SLC35F4: variants seen among roughly 807,000 people sequenced by gnomAD.
The protein encoded by SLC35F4 is chromosome 14 open reading frame 36.
In SLC35F4, 24 loss-of-function variants were observed where a neutral mutation model predicts 44.2. That is an observed-to-expected ratio of 0.54 (90% confidence interval 0.39 to 0.76). The LOEUF (loss-of-function observed/expected upper bound fraction) is 0.76. SLC35F4 is among the 30% of genes least tolerant of loss of function. The pLI is 0.00. For missense variants in SLC35F4, 562 were observed against 586.1 expected, an observed-to-expected ratio of 0.96 and a Z score of 0.42; for synonymous variants, 238 against 223.6, an observed-to-expected ratio of 1.06 and a Z score of -0.57.
At chr14:57,652,501 A>G (rs1361063478) in intron 1 of SLC35F4, among the ~76,000 whole-genome samples, 1 of 152,156 alleles carries the variant, frequency 6.6e-6, no homozygotes, top group Non-Finnish European at 1.5e-5. Context: ...GTGTCTTCTG[A>G]ACAAGGAGAC....
At chr14:57,649,622 C>G (rs1195222100) in intron 1 of SLC35F4, among the ~76,000 whole-genome samples, 1 of 152,132 alleles carries the variant, frequency 6.6e-6, no homozygotes, top group Admixed American at 6.6e-5. Flanking sequence ...AATGTGGCAT[C>G]TCTGAGGGGT....
chr14:57,952,012 C>T (rs141006463), intron 1 of SLC35F4, among the ~76,000 whole-genome samples: 8 of 152,300 alleles, frequency 5.3e-5, no homozygotes, highest in South Asian at 4.1e-4. Context: ...CAGCAGGGGT[C>T]GACAGATACC....
At chr14:57,726,317 C>T (rs1328400569) in intron 1 of SLC35F4, among the ~76,000 whole-genome samples, 1 of 152,114 alleles carries the variant, frequency 6.6e-6, no homozygotes, top group Non-Finnish European at 1.5e-5. Context: ...AAAAACCAGA[C>T]TTGCTGAGGT....
chr14:57,680,367 T>G (rs149191251), intron 1 of SLC35F4, among the ~76,000 whole-genome samples: 2 of 152,004 alleles, frequency 1.3e-5, no homozygotes, highest in Non-Finnish European at 2.9e-5. Flanking sequence ...GTTGATGGAA[T>G]GTGTCTCAAA....
At chr14:57,896,897 T>G (rs1413213660) in intron 1 of SLC35F4, among the ~76,000 whole-genome samples, 1 of 152,222 alleles carries the variant, frequency 6.6e-6, no homozygotes, top group African/African-American at 2.4e-5. Flanking sequence ...TCTTCATTAA[T>G]AGTAGCTTTA....
At chr14:57,977,079 A>C (rs1881239090) in intron 1 of SLC35F4, 1 of 152,218 alleles carries the variant, frequency 6.6e-6, no homozygotes, top group Non-Finnish European at 1.5e-5. Flanking sequence ...TTAGAGATAG[A>C]GTGATCTGGG....
intron 1 of SLC35F4, among the ~76,000 whole-genome samples, chr14:57,793,230 C>T (rs2077970861): frequency 1.3e-5 from 2 of 151,836 alleles, no homozygotes; most frequent in Admixed American, 1.3e-4. Context: ...CTTTTTTATG[C>T]TCATTTTTTA....
intron 1 of SLC35F4, among the ~76,000 whole-genome samples, chr14:57,747,065 T>C (rs923175838): frequency 1.3e-5 from 2 of 152,182 alleles, no homozygotes; most frequent in African/African-American, 4.8e-5. Flanking sequence ...TCCATTCCAT[T>C]GGGACATTCA....
rs951243713 is a variant in SLC35F4, at chr14:57,695,850, T to G, written c.104-101726A>C. Among the ~76,000 whole-genome samples, 43 of 152,188 alleles carry G rather than the reference T, an allele frequency of 2.8e-4. 2 individuals carry two copies. The highest frequency in any genetic ancestry group is 2.0e-3 in the Admixed American group (30 of 15,270). ...GAAATACTATGCAGCCATAAAAAAT[T>G]ATGAGTTCATGTCCTTTGTAGGGAC... On this transcript the variant is annotated intron_variant, in intron 1 of 7. Transcript: ENST00000556826.
intron 1 of SLC35F4, among the ~76,000 whole-genome samples, chr14:57,625,631 C>T (rs1162003676): frequency 2.6e-5 from 4 of 152,108 alleles, no homozygotes; most frequent in Non-Finnish European, 5.9e-5. Context: ...GAACAGAGCC[C>T]TCAGAAATAA....
At chr14:57,629,677 T>G (rs2072667755) in intron 1 of SLC35F4, among the ~76,000 whole-genome samples, 1 of 152,140 alleles carries the variant, frequency 6.6e-6, no homozygotes, top group South Asian at 2.1e-4. Context: ...TATCACTATA[T>G]ATGCATCAAT....
intron 1 of SLC35F4, among the ~76,000 whole-genome samples, chr14:57,733,496 T>C (rs1374725302): frequency 6.6e-6 from 1 of 151,974 alleles, no homozygotes; most frequent in African/African-American, 2.4e-5. Flanking sequence ...AAGCTTTTTT[T>C]TTCAGCTTAG....
At chr14:57,793,529 T>C (rs1425392622) in intron 1 of SLC35F4, among the ~76,000 whole-genome samples, 1 of 152,144 alleles carries the variant, frequency 6.6e-6, no homozygotes, top group Non-Finnish European at 1.5e-5. Flanking sequence ...CTCAGGATAA[T>C]GGCCTCCAGT....
chr14:57,569,719 T>C (rs2068390233), intron 6 of SLC35F4, 69 bp downstream of exon 6: 1 of 1,415,324 alleles, frequency 7.1e-7, no homozygotes, highest in South Asian at 1.6e-5. Flanking sequence ...AATAATCCTA[T>C]GATGATAATC....
intron 1 of SLC35F4, among the ~76,000 whole-genome samples, chr14:57,648,138 C>A (rs1215331033): frequency 6.6e-6 from 1 of 152,108 alleles, no homozygotes; most frequent in Non-Finnish European, 1.5e-5. Flanking sequence ...AGATATTATA[C>A]CTCAGGTGTC....
rs533446297 is a variant in SLC35F4, at chr14:57,674,030, A to G, written c.104-79906T>C. On this transcript the variant is annotated intron_variant, in intron 1 of 7. Transcript: ENST00000556826. ...CAAATATATTCAGTGTCATTAAGTAATTAGAGAAATACATTTTTTTACTTT... is the reference window on the plus strand; with the variant it reads ...CAAATATATTCAGTGTCATTAAGTAGTTAGAGAAATACATTTTTTTACTTT... Among the ~76,000 whole-genome samples the G allele has an allele frequency of 5.4e-4, 82 of 152,218 alleles. 1 individual carries two copies. The highest frequency in any genetic ancestry group is 1.8e-3 in the African/African-American group (76 of 41,492).
intron 4 of SLC35F4, chr14:57,580,560 G>C (rs1566638987): frequency 5.4e-6 from 2 of 368,714 alleles, no homozygotes; most frequent in Non-Finnish European, 1.0e-5. Flanking sequence ...CATAGAACAA[G>C]CATATAAATA....
intron 1 of SLC35F4, among the ~76,000 whole-genome samples, chr14:57,658,393 C>T (rs773160059): frequency 7.2e-5 from 11 of 152,140 alleles, no homozygotes; most frequent in Non-Finnish European, 1.6e-4. Flanking sequence ...TGTGTTGAAA[C>T]AACTTTTATT....
chr14:57,817,254 T>C (rs1221804690), intron 1 of SLC35F4, among the ~76,000 whole-genome samples: 2 of 152,212 alleles, frequency 1.3e-5, no homozygotes, highest in Admixed American at 6.5e-5. Context: ...AGATCTCTTA[T>C]GTCTTAACCA....
Sources: gnomAD v4.1 joint callset for allele counts (sites outside exome capture counted in the v4.1 genomes callset) on GRCh38, gnomAD v4.1.1 for gene constraint, MANE v1.5 for transcripts, NCBI Gene and HGNC (gene_info 2026-07-23, HGNC 2026-07-21) for gene names.